The following ADGRF5 variants were observed in gnomAD, a reference collection of about 807,000 sequenced individuals.
The protein encoded by ADGRF5 is adhesion G protein-coupled receptor F5, also known as G-protein coupled receptor 116.
A neutral mutation model predicts 132.3 loss-of-function variants in ADGRF5; 75 were observed. The observed-to-expected ratio is 0.57, with a 90% CI of 0.47 to 0.69. The LOEUF is 0.69. ADGRF5 is among the 30% of genes least tolerant of loss of function. The pLI is 0.00. For missense variants in ADGRF5, 1,516 were observed against 1,630.6 expected (o/e 0.93, Z 1.21); for synonymous variants, 629 against 597.6 (o/e 1.05, Z -0.77).
intron 3 of ADGRF5, among the ~76,000 whole-genome samples, chr6:46,898,270 T>C (rs1265900041): frequency 3.3e-5 from 5 of 152,190 alleles, no homozygotes; most frequent in African/African-American, 1.2e-4. Flanking sequence ...AGCCTGAGCC[T>C]TAGAAGAATT....
chr6:46,941,437 A>AAAAG (rs1778071453), intron 1 of ADGRF5, among the ~76,000 whole-genome samples: 1 of 69,428 alleles, frequency 1.4e-5, no homozygotes, highest in South Asian at 4.8e-4. Flanking sequence ...AAAAGAAAAG[A>AAAAG]AAAGAAAAGA....
chr6:46,937,912 T>C (rs773383289), intron 1 of ADGRF5, among the ~76,000 whole-genome samples: 85 of 152,230 alleles, frequency 5.6e-4, no homozygotes, highest in Non-Finnish European at 1.1e-3. Flanking sequence ...CTGCTCAGAA[T>C]AGCATGTAAT....
At chr6:46,879,022 T>C (rs1387675325) in intron 9 of ADGRF5, among the ~76,000 whole-genome samples, 1 of 152,180 alleles carries the variant, frequency 6.6e-6, no homozygotes, top group Non-Finnish European at 1.5e-5. Flanking sequence ...GGGAGAACGA[T>C]GGATACGTTC....
chr6:46,875,725 C>T (rs1280281137), intron 10 of ADGRF5, among the ~76,000 whole-genome samples: 2 of 152,046 alleles, frequency 1.3e-5, no homozygotes, highest in East Asian at 3.9e-4. Context: ...TGCAGTGAGT[C>T]GAGATTGCGC....
At chr6:46,889,008 G>A (rs547519553) in intron 3 of ADGRF5, among the ~76,000 whole-genome samples, 1 of 151,922 alleles carries the variant, frequency 6.6e-6, no homozygotes, top group South Asian at 2.1e-4. Context: ...TTTTGTTGAG[G>A]TGCTCAACAA....
chr6:46,906,939 A>G (rs1775440773), intron 1 of ADGRF5, among the ~76,000 whole-genome samples, 153 bp from the exon 2 acceptor site: 1 of 152,250 alleles, frequency 6.6e-6, no homozygotes, highest in African/African-American at 2.4e-5. Context: ...TCAACTTAGC[A>G]TTCTCTGCCC....
intron 1 of ADGRF5, among the ~76,000 whole-genome samples, chr6:46,928,356 A>AC (rs1777360741): frequency 6.6e-6 from 1 of 152,160 alleles, no homozygotes; most frequent in Non-Finnish European, 1.5e-5. Flanking sequence ...TTCACCACAC[A>AC]CCCAGTAAAT....
In ADGRF5 at chr6:46,868,976, T is replaced by A; in HGVS notation, c.1528A>T (p.Ile510Phe). The A allele has an allele frequency of 6.2e-7, 1 of 1,612,956 alleles. No homozygotes were observed. The highest frequency in any genetic ancestry group is 8.5e-7 in the Non-Finnish European group (1 of 1,178,932). The change falls in exon 12 of 21, where the codon ATT (isoleucine) becomes TTT (phenylalanine). Residue 510 changes from isoleucine (I) to phenylalanine (F), a missense_variant. Physicochemically the swap from Ile to Phe is conservative, Grantham distance 21 (BLOSUM62 0). Transcript: ENST00000283296. The stretch of plus-strand genomic sequence containing the variant: ...GTATAAAATCTTTGGTATATTTTAA[T>A]TCCAGCAGAAGTGTTCCAATAAACC... ...DEVYWNTSAGIKIYQRFYTTR... is the reference protein window; with the variant it reads ...DEVYWNTSAGFKIYQRFYTTR...
intron 3 of ADGRF5, among the ~76,000 whole-genome samples, chr6:46,895,844 C>T (rs1774130693): frequency 6.6e-6 from 1 of 151,774 alleles, no homozygotes; most frequent in Non-Finnish European, 1.5e-5. Context: ...CCCCATAAGA[C>T]TAAATTTGGA....
chr6:46,855,919 C>T (rs991730955), intron 20 of ADGRF5, 55 bp downstream of exon 20: 1 of 1,012,272 alleles, frequency 9.9e-7, no homozygotes, highest in African/African-American at 1.6e-5. Context: ...TGAGGCTCCC[C>T]ATTTGAGCAA....
chr6:46,883,634 A>C lies in ADGRF5; in HGVS notation c.537T>G (p.Asn179Lys). Reference sequence around the variant, plus strand: ...TCATGAGGTCTTCTTGAAAGCCTACATTTAGTCTGACTCTCATGTTCAGGG... The same window carrying C: ...TCATGAGGTCTTCTTGAAAGCCTACCTTTAGTCTGACTCTCATGTTCAGGG... ...DVTLNMRVRL[N>K]VGFQEDLMNT... The change falls in exon 6 of 21, where the codon AAT becomes AAG. Residue 179 changes from asparagine (N) to lysine (K), a missense_variant. Asn to Lys is a moderately conservative substitution (Grantham distance 94). Around this residue, in one of 2 missense-constraint regions of ADGRF5, gnomAD observed 945 missense variants for 929.4 expected, o/e 1.02. Transcript: ENST00000283296. The C allele has an allele frequency of 6.2e-7, 1 of 1,601,390 alleles. No homozygotes were observed. The highest frequency in any genetic ancestry group is 8.5e-7 in the Non-Finnish European group (1 of 1,174,462).
chr6:46,921,074 G>A (rs1041448075), intron 1 of ADGRF5, among the ~76,000 whole-genome samples: 12 of 152,312 alleles, frequency 7.9e-5, no homozygotes, highest in Admixed American at 7.2e-4. Flanking sequence ...ACATCATAGA[G>A]TTGCTCCTTT....
intron 1 of ADGRF5, among the ~76,000 whole-genome samples, chr6:46,921,502 T>A (rs1198475543): frequency 6.6e-6 from 1 of 152,150 alleles, no homozygotes; most frequent in Non-Finnish European, 1.5e-5. Context: ...TCCTTTAATA[T>A]AGTCTCATTA....
At chr6:46,932,657 A>G (rs1276337508) in intron 1 of ADGRF5, among the ~76,000 whole-genome samples, 1 of 152,188 alleles carries the variant, frequency 6.6e-6, no homozygotes, top group Non-Finnish European at 1.5e-5. Flanking sequence ...TATAAGACCT[A>G]CAATAGAAGG....
At chr6:46,907,224 A>T (rs1212205239) in intron 1 of ADGRF5, among the ~76,000 whole-genome samples, 1 of 152,212 alleles carries the variant, frequency 6.6e-6, no homozygotes, top group Non-Finnish European at 1.5e-5. Context: ...ATGGACTATG[A>T]CCCATTAGTA....
At chr6:46,854,140 TA>T in intron 20 of ADGRF5, 69 bp from the exon 21 acceptor site, 1 of 1,108,724 alleles carries the variant, frequency 9.0e-7, no homozygotes, top group Non-Finnish European at 1.3e-6. Flanking sequence ...GAACATCTCC[TA>T]AGGGACCCAG....
In ADGRF5 at chr6:46,927,825, C is replaced by T. The variant is rs551368060; in HGVS notation, c.-24-21039G>A. On this transcript the variant is annotated intron_variant, in intron 1 of 20. Coordinates refer to the ADGRF5 transcript ENST00000265417. ...CATAATAGGCGATAAAGGCCTGAAACCTCCTTCTCAGACAACACCCACAAA... is the reference window on the plus strand; with the variant it reads ...CATAATAGGCGATAAAGGCCTGAAATCTCCTTCTCAGACAACACCCACAAA... Among the ~76,000 whole-genome samples the T allele has an allele frequency of 3.3e-4, 50 of 152,248 alleles. 2 individuals are homozygous for T. In the South Asian group the frequency reaches 9.1e-3, roughly 28 times the overall value.
rs1358219212 is a variant in ADGRF5 at position 46,881,536 on chromosome 6, G to A, written c.733C>T (p.His245Tyr). ...KTTPPSLELIHKANEQVVQSL... is the reference protein window; with the variant it reads ...KTTPPSLELIYKANEQVVQSL... ...TGTACAACTTGTTCATTGGCTTTAT[G>A]TATTAACTCAAGTGATGGTGGTGTA... Residue 245 changes from histidine to tyrosine, a missense_variant, in exon 8 of 21, where the codon CAT becomes TAT. His to Tyr is a moderately conservative substitution (Grantham distance 83). Transcript: ENST00000283296. 3.1e-6 allele frequency: 5 copies of A among 1,613,096 alleles called. No homozygotes were observed. The highest frequency in any genetic ancestry group is 4.2e-6 in the Non-Finnish European group (5 of 1,179,192).
intron 16 of ADGRF5, among the ~76,000 whole-genome samples, chr6:46,859,764 C>G (rs1002540223): frequency 2.6e-5 from 4 of 152,140 alleles, no homozygotes; most frequent in Non-Finnish European, 4.4e-5. Context: ...GAGTCACACC[C>G]ACTACACACC....
Sources: allele counts gnomAD v4.1 joint callset (sites outside exome capture counted in the v4.1 genomes callset), GRCh38; gene constraint gnomAD v4.1.1; regional missense constraint gnomAD v4.1.1; transcripts MANE v1.5; gene names NCBI Gene and HGNC (gene_info 2026-07-23, HGNC 2026-07-21).